SLC6A6: variants seen among roughly 807,000 people sequenced by gnomAD.
The protein encoded by SLC6A6 is solute carrier family 6 member 6, also known as sodium- and chloride-dependent taurine transporter.
In SLC6A6, 16 loss-of-function variants were observed where a neutral mutation model predicts 68.8. That is an observed-to-expected ratio of 0.23 (90% CI 0.16 to 0.35). SLC6A6 has a LOEUF of 0.35. SLC6A6 is among the 10% of genes least tolerant of loss of function. The probability of loss-of-function intolerance (pLI) is 1.00; values close to 1 mark genes in which losing one functional copy is unlikely to be tolerated. For missense variants in SLC6A6, 474 were observed against 802.8 expected (o/e 0.59, Z 4.95); for synonymous variants, 312 against 315.4 (o/e 0.99, Z 0.12).
At position 14,457,788 on chromosome 3, in the gene SLC6A6, C is replaced by G. The variant is rs529797674; in HGVS notation, c.600-162C>G. ...TCTTTTCTTTCCAACAACTCTGTCT[C>G]AAGACAAATGGGGATTCCTGGGTTT... On this transcript the variant is annotated intron_variant, in intron 5 of 14. Coordinates refer to ENST00000622186, the MANE Select transcript of SLC6A6 (RefSeq NM_003043.6). Among the ~76,000 whole-genome samples, 6 of 152,292 alleles carry G rather than the reference C, an allele frequency of 3.9e-5. No homozygotes were observed. In the East Asian group the frequency reaches 1.2e-3, roughly 29 times the overall value.
chr3:14,476,030 T>C (rs1192452447), intron 10 of SLC6A6, among the ~76,000 whole-genome samples: 1 of 152,214 alleles, frequency 6.6e-6, no homozygotes, highest in African/African-American at 2.4e-5. Context: ...TGGGGAAACG[T>C]CCTTCCCAAA....
intron 9 of SLC6A6, among the ~76,000 whole-genome samples, chr3:14,470,683 C>A (rs1048301339): frequency 2.6e-5 from 4 of 152,110 alleles, no homozygotes; most frequent in African/African-American, 9.7e-5. Flanking sequence ...TCAGGGCCAA[C>A]GCTGATGTTC....
At chr3:14,445,923 G>A (rs921467390) in intron 4 of SLC6A6, 72 bp downstream of exon 4, 1 of 1,509,112 alleles carries the variant, frequency 6.6e-7, no homozygotes, top group Non-Finnish European at 9.2e-7. Flanking sequence ...AGCACCTATT[G>A]TCTGCCAGGT....
intron 2 of SLC6A6, among the ~76,000 whole-genome samples, chr3:14,436,531 CTTTTTTTTTTTTT>C (rs58996264): frequency 1.2e-4 from 14 of 112,564 alleles, no homozygotes; most frequent in African/African-American, 1.6e-4. Flanking sequence ...CAACAACTCC[CTTTTTTTTTTTTT>C]TTTTTTTTTT....
At chr3:14,427,439 G>T (rs73815275) in intron 2 of SLC6A6, among the ~76,000 whole-genome samples, 3 of 152,212 alleles carry the variant, frequency 2.0e-5, no homozygotes, top group Non-Finnish European at 4.4e-5. Context: ...AGCCCCATCA[G>T]CCTGGCTTCA....
chr3:14,466,738 C>G (rs1574957020), intron 7 of SLC6A6, 88 bp downstream of exon 7: 1 of 1,271,030 alleles, frequency 7.9e-7, no homozygotes. Context: ...CCACTGGCAG[C>G]ACATCTTCCG....
intron 3 of SLC6A6, chr3:14,444,077 C>G (rs1286360256): frequency 3.1e-5 from 17 of 544,114 alleles, no homozygotes; most frequent in Non-Finnish European, 5.0e-5. Context: ...TCTGCAGGGC[C>G]TTTCTGTGTT....
intron 10 of SLC6A6, among the ~76,000 whole-genome samples, chr3:14,476,113 G>GC (rs1700873360): frequency 1.3e-5 from 2 of 152,224 alleles, no homozygotes; most frequent in African/African-American, 2.4e-5. Flanking sequence ...AATCAGATAG[G>GC]CCTTGGAGGG....
At chr3:14,463,684 C>A (rs558304497) in intron 6 of SLC6A6, among the ~76,000 whole-genome samples, 25 of 152,344 alleles carry the variant, frequency 1.6e-4, no homozygotes, top group African/African-American at 4.6e-4. Context: ...TCTTTCCCCC[C>A]TTCTGTGGCT....
Position 14,447,578 on chromosome 3 carries a change from G to T in SLC6A6, c.365-4G>T, listed in dbSNP as rs1351259448. The T allele has an allele frequency of 6.2e-7, 1 of 1,614,174 alleles. No homozygotes were observed. Reference sequence around the variant, plus strand: ...TTTACTCATCTCATTTGCCCAACCTGCAGGTATCGGCTATGCCTCCGTTGT... The same window carrying T: ...TTTACTCATCTCATTTGCCCAACCTTCAGGTATCGGCTATGCCTCCGTTGT... On this transcript the variant is annotated splice_region_variant and splice_polypyrimidine_tract_variant and intron_variant, in intron 4 of 14. Transcript: ENST00000622186.
intron 1 of SLC6A6, among the ~76,000 whole-genome samples, chr3:14,413,431 T>G (rs1328524440): frequency 6.6e-6 from 1 of 152,216 alleles, no homozygotes; most frequent in Non-Finnish European, 1.5e-5. Flanking sequence ...TGGCTGGGGC[T>G]TTATTTTTGC....
At chr3:14,447,221 T>TATCCATCCATCCATCCATCC (rs3836358) in intron 4 of SLC6A6, among the ~76,000 whole-genome samples, 1 of 149,352 alleles carries the variant, frequency 6.7e-6, no homozygotes, top group Non-Finnish European at 1.5e-5. Context: ...TCTATTCAGC[T>TATCCATCCATCCATCCATCC]ATCCATCCAT....
intron 1 of SLC6A6, among the ~76,000 whole-genome samples, chr3:14,407,949 T>G (rs1040644832): frequency 3.0e-5 from 4 of 131,234 alleles, no homozygotes; most frequent in African/African-American, 5.6e-5. Context: ...ATATCAGGAG[T>G]TGATTTTTTT....
intron 1 of SLC6A6, among the ~76,000 whole-genome samples, chr3:14,412,822 T>A (rs143232377): frequency 9.8e-5 from 15 of 152,306 alleles, no homozygotes; most frequent in African/African-American, 3.4e-4. Flanking sequence ...CTCTTCTTAA[T>A]CCTCACCAAA....
intron 14 of SLC6A6, among the ~76,000 whole-genome samples, chr3:14,483,108 C>CT (rs1701046280): frequency 6.6e-6 from 1 of 152,206 alleles, no homozygotes; most frequent in Non-Finnish European, 1.5e-5. Context: ...CAACAGGTCA[C>CT]TAACTTGGTG....
intron 4 of SLC6A6, among the ~76,000 whole-genome samples, chr3:14,446,878 A>G (rs1445474299): frequency 1.3e-5 from 2 of 152,236 alleles, no homozygotes; most frequent in East Asian, 3.8e-4. Context: ...TTATGATTTA[A>G]TTGGCAGAGA....
At chr3:14,426,665 C>T (rs556883749) in intron 2 of SLC6A6, among the ~76,000 whole-genome samples, 6 of 152,208 alleles carry the variant, frequency 3.9e-5, no homozygotes, top group Non-Finnish European at 8.8e-5. Context: ...CAGTGCCAGA[C>T]AGACAATGTC....
intron 1 of SLC6A6, among the ~76,000 whole-genome samples, chr3:14,405,993 A>G (rs531100026): frequency 6.6e-6 from 1 of 152,222 alleles, no homozygotes; most frequent in East Asian, 1.9e-4. Flanking sequence ...CCTAGAGGAC[A>G]CAGTGTCGGA....
At chr3:14,413,738 C>A (rs2124901608) in intron 1 of SLC6A6, among the ~76,000 whole-genome samples, 1 of 152,226 alleles carries the variant, frequency 6.6e-6, no homozygotes, top group South Asian at 2.1e-4. Context: ...CAGGCCTAAT[C>A]CTTGCCCGTG....
Sources: allele counts gnomAD v4.1 joint callset (sites outside exome capture counted in the v4.1 genomes callset), GRCh38; gene constraint gnomAD v4.1.1; transcripts MANE v1.5; gene names NCBI Gene and HGNC (gene_info 2026-07-23, HGNC 2026-07-21).